The following MICU1 variants were observed in gnomAD, a reference collection of about 807,000 sequenced individuals.
The protein encoded by MICU1 is mitochondrial calcium uptake 1.
In MICU1, 45 loss-of-function variants were observed where a neutral mutation model predicts 56.8. The ratio of observed to expected loss-of-function variants is 0.79; its 90% CI spans 0.62 to 1.02. The LOEUF is 1.02. Among genes scored for constraint, MICU1 ranks in the 50% least tolerant of loss-of-function variants. The pLI is 0.00. For synonymous variants in MICU1, 186 were observed against 195.1 expected (o/e 0.95, Z 0.39); for missense variants, 504 against 587.1 (o/e 0.86, Z 1.46).
chr10:72,580,195 C>G (rs1227670253), intron 1 of MICU1, among the ~76,000 whole-genome samples: 1 of 152,110 alleles, frequency 6.6e-6, no homozygotes, highest in South Asian at 2.1e-4. Context: ...GAGGCATCAT[C>G]TTTTCTTCAT....
intron 9 of MICU1, among the ~76,000 whole-genome samples, chr10:72,422,986 C>T (rs1375178254): frequency 1.3e-5 from 2 of 151,030 alleles, no homozygotes; most frequent in Non-Finnish European, 3.0e-5. Context: ...CCGGTCTCTC[C>T]TTTAAAATTC....
intron 6 of MICU1, among the ~76,000 whole-genome samples, chr10:72,486,639 T>C (rs1375267626): frequency 1.3e-5 from 2 of 152,144 alleles, no homozygotes; most frequent in African/African-American, 4.8e-5. Flanking sequence ...ATCTGGCTAA[T>C]TTTTGTATTT....
chr10:72,616,920 C>G (rs1841996690), intron 1 of MICU1, among the ~76,000 whole-genome samples: 1 of 152,322 alleles, frequency 6.6e-6, no homozygotes, highest in South Asian at 2.1e-4. Flanking sequence ...GTCTGGGTTC[C>G]CTGTCCCTGT....
At chr10:72,524,874 A>G in intron 5 of MICU1, 1 of 524,492 alleles carries the variant, frequency 1.9e-6, no homozygotes, top group East Asian at 3.5e-5. Flanking sequence ...ATATCACTGA[A>G]CACCTGGAAG....
Position 72,508,217 on chromosome 10 carries a change from G to T in MICU1, c.590C>A (p.Thr197Asn), listed in dbSNP as rs1475394828. ...GGATATGAGCCCACATTCTCCAAGG[G>T]TGTAAAATATACTGCCTTCATCAGC... The part of the protein sequence containing the change: ...KFADEGSIFY[T>N]LGECGLISFS... The change falls in exon 6 of 12, where the codon ACC becomes AAC. Residue 197 changes from threonine (T) to asparagine (N), a missense_variant. Physicochemically the swap from Thr to Asn is moderately conservative, Grantham distance 65 (BLOSUM62 0). Transcript: ENST00000361114. 1.9e-6 allele frequency: 3 copies of T among 1,547,614 alleles called. No homozygotes were observed. The highest frequency in any genetic ancestry group is 1.3e-5 in the African/African-American group (1 of 74,346).
At chr10:72,604,272 T>G (rs993890117) in intron 1 of MICU1, among the ~76,000 whole-genome samples, 9 of 103,462 alleles carry the variant, frequency 8.7e-5, no homozygotes, top group Admixed American at 7.7e-4. Context: ...TTTCCTGCCC[T>G]TTTTTTTTTT....
intron 6 of MICU1, chr10:72,503,078 T>C (rs1867131792): frequency 6.5e-6 from 1 of 152,872 alleles, no homozygotes. Context: ...ACTGTGGGTC[T>C]AGGGACAGGT....
At chr10:72,595,812 G>A (rs1049313137) in intron 1 of MICU1, among the ~76,000 whole-genome samples, 5 of 151,986 alleles carry the variant, frequency 3.3e-5, no homozygotes, top group African/African-American at 9.7e-5. Flanking sequence ...CTTTCCCATA[G>A]AGGCTTTTTA....
At chr10:72,566,536 A>C in intron 2 of MICU1, 97 bp downstream of exon 2, 1 of 1,247,392 alleles carries the variant, frequency 8.0e-7, no homozygotes, top group Non-Finnish European at 1.1e-6. Context: ...AGAAATTCTG[A>C]TACAGAGTTA....
chr10:72,432,933 G>T (rs775060666), intron 8 of MICU1, among the ~76,000 whole-genome samples: 2 of 152,136 alleles, frequency 1.3e-5, no homozygotes, highest in East Asian at 3.8e-4. Context: ...AGGCAAATGC[G>T]TGGATCTTCT....
chr10:72,448,072 T>A (rs1447179564), intron 8 of MICU1, among the ~76,000 whole-genome samples: 1 of 150,670 alleles, frequency 6.6e-6, no homozygotes, highest in Admixed American at 6.7e-5. Context: ...AGCCATTGCA[T>A]AGGTGATGAG....
intron 1 of MICU1, among the ~76,000 whole-genome samples, chr10:72,587,678 G>A (rs1044515088): frequency 2.6e-5 from 4 of 151,890 alleles, no homozygotes; most frequent in African/African-American, 7.3e-5. Context: ...TAGCTACCTG[G>A]GTGTCTGAGG....
At chr10:72,546,266 ATTAAG>A (rs1253315332) in intron 4 of MICU1, among the ~76,000 whole-genome samples, 2 of 152,240 alleles carry the variant, frequency 1.3e-5, no homozygotes, top group African/African-American at 4.8e-5. Flanking sequence ...GAATTGTTAA[ATTAAG>A]TTTAGACTAA....
At chr10:72,586,985 A>C (rs567853933) in intron 1 of MICU1, among the ~76,000 whole-genome samples, 1 of 152,316 alleles carries the variant, frequency 6.6e-6, no homozygotes, top group Admixed American at 6.5e-5. Context: ...AATAATACTA[A>C]GCAGAAAGAG....
At chr10:72,494,975 C>G (rs142903157) in intron 6 of MICU1, among the ~76,000 whole-genome samples, 23 of 152,234 alleles carry the variant, frequency 1.5e-4, no homozygotes, top group Non-Finnish European at 2.4e-4. Context: ...AGATGACTTT[C>G]AGAGAGCTGC....
intron 9 of MICU1, among the ~76,000 whole-genome samples, chr10:72,420,531 T>G (rs1864123941): frequency 6.6e-6 from 1 of 152,126 alleles, no homozygotes; most frequent in South Asian, 2.1e-4. Flanking sequence ...CATGGAACAT[T>G]TTTAGTGCCA....
chr10:72,590,900 T>C (rs923769643), intron 1 of MICU1, among the ~76,000 whole-genome samples: 1 of 143,748 alleles, frequency 7.0e-6, no homozygotes. Flanking sequence ...CCAGATACAA[T>C]GGACACCTAC....
At chr10:72,615,428 GT>G (rs1477687644) in intron 1 of MICU1, among the ~76,000 whole-genome samples, 2 of 152,106 alleles carry the variant, frequency 1.3e-5, no homozygotes, top group Non-Finnish European at 2.9e-5. Flanking sequence ...ACACTGTGCT[GT>G]GGTATTAAAT....
intron 8 of MICU1, among the ~76,000 whole-genome samples, chr10:72,463,498 A>G (rs753050898): frequency 8.5e-5 from 13 of 152,228 alleles, no homozygotes; most frequent in African/African-American, 1.4e-4. Context: ...GGTATGAAAC[A>G]AAAAAGCACT....
Sources: gnomAD v4.1 joint callset for allele counts (sites outside exome capture counted in the v4.1 genomes callset) on GRCh38, gnomAD v4.1.1 for gene constraint, MANE v1.5 for transcripts, NCBI Gene and HGNC (gene_info 2026-07-23, HGNC 2026-07-21) for gene names.